PSTPIP2: variants seen among roughly 807,000 people sequenced by gnomAD.
PSTPIP2 encodes the protein proline-serine-threonine phosphatase-interacting protein 2.
A neutral mutation model predicts 63.3 loss-of-function variants in PSTPIP2; 33 were observed. The observed-to-expected ratio is 0.52, with a 90% CI of 0.40 to 0.70. The LOEUF (loss-of-function observed/expected upper bound fraction) is 0.70. Ranked by LOEUF, PSTPIP2 falls within the 30% of genes least tolerant of loss-of-function variation. The pLI is 0.00. For missense variants in PSTPIP2, 312 were observed against 400.7 expected (o/e 0.78, Z 1.89); for synonymous variants, 125 against 132.7 (o/e 0.94, Z 0.40).
At chr18:46,029,854 C>A (rs1907725611) in intron 2 of PSTPIP2, 1 of 373,834 alleles carries the variant, frequency 2.7e-6, no homozygotes. Context: ...GTGGCTCACA[C>A]CTGTAATCTC....
Position 45,991,900 on chromosome 18 carries a change from A to G in PSTPIP2, c.920+2T>C, listed in dbSNP as rs2051538062. 6.2e-7 allele frequency: 1 copy of G among 1,600,048 alleles called. No individual in the cohort carries two copies. Among genetic ancestry groups the G allele is most frequent in the Non-Finnish European group, 8.6e-7 (1 of 1,168,688 alleles). On this transcript the variant is annotated splice_donor_variant, in intron 12 of 14. Coordinates refer to ENST00000409746, the MANE Select transcript of PSTPIP2 (RefSeq NM_024430.4). LOFTEE classifies it high-confidence loss of function. Reference sequence around the variant, plus strand: ...TTCATATGAAAGGCAGCTGGTTATTACCTTGCCAAGTTAGGCCCTGTAGCC... The same window carrying G: ...TTCATATGAAAGGCAGCTGGTTATTGCCTTGCCAAGTTAGGCCCTGTAGCC...
intron 5 of PSTPIP2, among the ~76,000 whole-genome samples, chr18:46,010,500 A>T (rs568142595): frequency 1.3e-5 from 2 of 152,338 alleles, no homozygotes; most frequent in African/African-American, 4.8e-5. Context: ...CTGAATATCC[A>T]GTCTTTCAGG....
At chr18:46,006,295 C>A (rs1252485917) in intron 5 of PSTPIP2, among the ~76,000 whole-genome samples, 2 of 151,664 alleles carry the variant, frequency 1.3e-5, no homozygotes, top group African/African-American at 4.8e-5. Flanking sequence ...CTCAGGTGAT[C>A]CACCCAGCTC....
At chr18:46,019,554 A>G (rs1907269014) in intron 3 of PSTPIP2, among the ~76,000 whole-genome samples, 1 of 152,164 alleles carries the variant, frequency 6.6e-6, no homozygotes, top group Non-Finnish European at 1.5e-5. Flanking sequence ...TAATCCCAGC[A>G]CGTTGCGAGG....
chr18:46,001,821 C>A (rs2051670816), intron 6 of PSTPIP2, among the ~76,000 whole-genome samples: 1 of 152,010 alleles, frequency 6.6e-6, no homozygotes, highest in Non-Finnish European at 1.5e-5. Context: ...TGCAGGCATG[C>A]AATGCAAAAT....
intron 3 of PSTPIP2, among the ~76,000 whole-genome samples, chr18:46,021,804 G>A (rs1263825017): frequency 1.4e-5 from 2 of 141,296 alleles, no homozygotes; most frequent in African/African-American, 2.7e-5. Context: ...AAAATTAGCC[G>A]GGCCACTGCA....
chr18:46,010,914 A>C (rs2051788322), intron 5 of PSTPIP2: 2 of 377,740 alleles, frequency 5.3e-6, no homozygotes, highest in Non-Finnish European at 9.6e-6. Context: ...CTTTCCATTC[A>C]TAGTCTGAAT....
At chr18:46,040,330 T>G in intron 1 of PSTPIP2, 1 of 292,012 alleles carries the variant, frequency 3.4e-6, no homozygotes, top group Non-Finnish European at 6.4e-6. Context: ...GCCACCCAAG[T>G]AAGTCAGGGT....
In PSTPIP2 at chr18:46,011,180, C is replaced by A. The variant is rs1296180585; in HGVS notation, c.354+1G>T. The A allele has an allele frequency of 9.3e-6, 15 of 1,611,654 alleles. No homozygotes were observed. Among genetic ancestry groups the A allele is most frequent in the Non-Finnish European group, 1.3e-5 (15 of 1,177,850 alleles). Reference sequence around the variant, plus strand: ...CACCTTAACACGTATGCAAATCCAACCTTTTTTCGTTGTAGTTTTTGCTTT... The same window carrying A: ...CACCTTAACACGTATGCAAATCCAAACTTTTTTCGTTGTAGTTTTTGCTTT... On this transcript the variant is annotated splice_donor_variant, in intron 5 of 14. Transcript: ENST00000409746. LOFTEE classifies it high-confidence loss of function.
At position 46,039,939 on chromosome 18, in the gene PSTPIP2, C is replaced by T; in HGVS notation, c.134+8G>A. 2.5e-6 allele frequency: 4 copies of T among 1,601,636 alleles called. No individual in the cohort carries two copies. In the South Asian group the frequency reaches 3.3e-5, roughly 13 times the overall value. Reference sequence around the variant, plus strand: ...ACCCTCTTCAGAGAGGACAGAGCATCATCGTACCTTTCTTTTAGAAAGTCT... The same window carrying T: ...ACCCTCTTCAGAGAGGACAGAGCATTATCGTACCTTTCTTTTAGAAAGTCT... On this transcript the variant is annotated splice_region_variant and intron_variant, in intron 2 of 14. Transcript: ENST00000409746.
chr18:46,065,445 A>G (rs1909153583), intron 1 of PSTPIP2, among the ~76,000 whole-genome samples: 2 of 151,274 alleles, frequency 1.3e-5, no homozygotes, highest in Admixed American at 1.3e-4. Flanking sequence ...GCCCACCACC[A>G]TGCCTGGCTA....
At chr18:46,059,934 G>C (rs1437032361) in intron 1 of PSTPIP2, among the ~76,000 whole-genome samples, 2 of 152,236 alleles carry the variant, frequency 1.3e-5, no homozygotes, top group Non-Finnish European at 2.9e-5. Flanking sequence ...GGGAGGCTGA[G>C]ACAGAAGAAT....
chr18:46,032,886 G>A (rs1040456271), intron 2 of PSTPIP2, among the ~76,000 whole-genome samples: 3 of 151,894 alleles, frequency 2.0e-5, no homozygotes, highest in Non-Finnish European at 4.4e-5. Flanking sequence ...CCTCAATCTA[G>A]TGCTCCAGGT....
chr18:46,030,746 T>C (rs1398384746), intron 2 of PSTPIP2, among the ~76,000 whole-genome samples: 1 of 152,238 alleles, frequency 6.6e-6, no homozygotes, highest in Non-Finnish European at 1.5e-5. Flanking sequence ...TTCTTTCATA[T>C]TTGAGACTAT....
At chr18:46,007,562 C>T (rs1489191288) in intron 5 of PSTPIP2, among the ~76,000 whole-genome samples, 1 of 152,224 alleles carries the variant, frequency 6.6e-6, no homozygotes, top group East Asian at 1.9e-4. Context: ...CCCAATTTTC[C>T]CAGGCTACAC....
rs1175597553 is a variant in PSTPIP2 at position 45,992,137 on chromosome 18, C to T, written c.807G>A (p.Val269=). 4 of 1,608,878 alleles carry T rather than the reference C, an allele frequency of 2.5e-6. No individual in the cohort carries two copies. The highest frequency in any genetic ancestry group is 3.3e-4 in the Middle Eastern group (2 of 6,054). ...CSIQRDIEYF[V]NQRKTGQIPP... ...GAATCTGTCCAGTTTTGCGTTGATT[C>T]ACAAAGTATTCAATGTCCCTCTGAA... is the stretch of plus-strand genomic sequence containing the variant. Residue 269 remains valine, a synonymous_variant, in exon 11 of 15, where the codon GTG becomes GTA. Transcript: ENST00000409746.
In PSTPIP2 at chr18:46,036,122, A is replaced by AT. The variant is rs200255312; in HGVS notation, c.134+3824dup. ...TGTATTAATTAATTTAATTAATATCATTTTATTTAATTAATATTAATTAAT... is the reference window on the plus strand; with the variant it reads ...TGTATTAATTAATTTAATTAATATCATTTTTATTTAATTAATATTAATTAAT... On this transcript the variant is annotated intron_variant, in intron 2 of 14. Transcript: ENST00000409746. Among the ~76,000 whole-genome samples, 668 of 148,448 alleles carry AT rather than the reference A, an allele frequency of 4.5e-3. 9 individuals are homozygous for AT. The highest frequency in any genetic ancestry group is 0.028 in the Admixed American group (408 of 14,804).
At chr18:46,009,811 G>T (rs1312617454) in intron 5 of PSTPIP2, among the ~76,000 whole-genome samples, 1 of 152,166 alleles carries the variant, frequency 6.6e-6, no homozygotes, top group Admixed American at 6.5e-5. Context: ...CTGAAAAATT[G>T]TAATTCCCCT....
rs559252080 is a variant in PSTPIP2 at position 46,013,151 on chromosome 18, A to AG, written c.248-1865_248-1864insC. On this transcript the variant is annotated intron_variant, in intron 4 of 14. Coordinates refer to ENST00000409746, the MANE Select transcript of PSTPIP2 (RefSeq NM_024430.4). ...AAAGAAAACAAGTAAAGCCAAAAAA[A>AG]TGATTTAGGGGACCCAGCCTACGCT... Among the ~76,000 whole-genome samples, 292 of 152,134 alleles carry AG rather than the reference A, an allele frequency of 1.9e-3. 1 individual carries two copies. The highest frequency in any genetic ancestry group is 3.3e-3 in the Non-Finnish European group (223 of 68,006).
Sources: gnomAD v4.1 joint callset for allele counts (sites outside exome capture counted in the v4.1 genomes callset) on GRCh38, gnomAD v4.1.1 for gene constraint, MANE v1.5 for transcripts, NCBI Gene and HGNC (gene_info 2026-07-23, HGNC 2026-07-21) for gene names.